The following ATP11C variants were observed in gnomAD, a reference collection of about 807,000 sequenced individuals.
The protein encoded by ATP11C is ATPase phospholipid transporting 11C (ATP11C blood group), also known as phospholipid-transporting ATPase IG.
Under a neutral mutation model 97.4 loss-of-function variants are expected in ATP11C, and 36 were observed. The ratio of observed to expected loss-of-function variants is 0.37; its 90% confidence interval spans 0.28 to 0.49. ATP11C has a LOEUF of 0.49. Among genes scored for constraint, ATP11C ranks in the 20% least tolerant of loss-of-function variants. The pLI, the probability that ATP11C is intolerant of heterozygous loss-of-function variation, is 0.98. For synonymous variants in ATP11C, 275 were observed against 290.9 expected, an observed-to-expected ratio of 0.95 and a Z score of 0.56; for missense variants, 730 against 824.6, an observed-to-expected ratio of 0.89 and a Z score of 1.40.
chrX:139,895,274 T>C (rs1409067880), intron 1 of ATP11C, among the ~76,000 whole-genome samples: 1 of 111,769 alleles, frequency 8.9e-6, no homozygotes, highest in Admixed American at 9.5e-5. Flanking sequence ...AGAATAAGTT[T>C]TTTTTTTATT....
chrX:139,739,737 A>C (rs2081517329), intron 27 of ATP11C, among the ~76,000 whole-genome samples: 2 of 111,805 alleles, frequency 1.8e-5, no homozygotes, highest in Admixed American at 1.9e-4. Flanking sequence ...TTATTTTTGT[A>C]GAAATTTTGC....
At chrX:139,914,406 T>C (rs747284431) in intron 1 of ATP11C, among the ~76,000 whole-genome samples, 1 of 112,525 alleles carries the variant, frequency 8.9e-6, no homozygotes, top group South Asian at 3.7e-4. Context: ...ATTCCTGGCC[T>C]ATAGACACTT....
chrX:139,932,135 G>A lies in ATP11C; in HGVS notation c.-93C>T, dbSNP rs374083313. The A allele has an allele frequency of 1.1e-4, 98 of 891,654 alleles. No homozygotes were observed. The East Asian group carries it at 3.0e-3, about 27-fold the overall frequency. The allele number at this position is 891,654 out of a possible 1,213,427, so 73.5% of individuals were successfully genotyped here. On this transcript the variant is annotated 5_prime_UTR_variant, in exon 1 of 30. Transcript: ENST00000682941. ...ACACACTGCGGCGTGGGCCGGCGGCGCCAAGCGGAGCAGCGAGGCGGGCGG... is the reference window on the plus strand; with the variant it reads ...ACACACTGCGGCGTGGGCCGGCGGCACCAAGCGGAGCAGCGAGGCGGGCGG...
chrX:139,755,381 A>C (rs921432906), intron 23 of ATP11C, among the ~76,000 whole-genome samples: 2 of 112,405 alleles, frequency 1.8e-5, no homozygotes, highest in Non-Finnish European at 3.8e-5. Context: ...GATAGGAAGA[A>C]TCAATATTGT....
At chrX:139,884,685 T>C (rs1283476289) in intron 1 of ATP11C, among the ~76,000 whole-genome samples, 1 of 112,190 alleles carries the variant, frequency 8.9e-6, no homozygotes, top group Non-Finnish European at 1.9e-5. Flanking sequence ...TTGTGTTATT[T>C]TGACTTGAGA....
intron 1 of ATP11C, among the ~76,000 whole-genome samples, chrX:139,829,744 A>G (rs1279630785): frequency 8.9e-6 from 1 of 111,773 alleles, no homozygotes; most frequent in Non-Finnish European, 1.9e-5. Context: ...AAATATGTTT[A>G]CAATATATGA....
At chrX:139,741,974 T>G (rs777747567) in intron 26 of ATP11C, among the ~76,000 whole-genome samples, 1 of 111,669 alleles carries the variant, frequency 9.0e-6, no homozygotes, top group African/African-American at 3.3e-5. Context: ...ATAACATTAT[T>G]AATGTAGCTC....
chrX:139,897,377 G>A (rs72617908), intron 1 of ATP11C, among the ~76,000 whole-genome samples: 2,867 of 110,532 alleles, frequency 0.026, 102 homozygotes, highest in East Asian at 0.16. Flanking sequence ...TATACTAAAG[G>A]TCAACTTCAG....
chrX:139,749,890 G>A, intron 24 of ATP11C, 135 bp downstream of exon 24: 1 of 625,721 alleles, frequency 1.6e-6, no homozygotes, highest in South Asian at 4.8e-5. Flanking sequence ...GCTTTCAATA[G>A]CTAAAAATTC....
chrX:139,876,422 T>C (rs2084474447), intron 1 of ATP11C, among the ~76,000 whole-genome samples: 1 of 111,798 alleles, frequency 8.9e-6, no homozygotes, highest in Non-Finnish European at 1.9e-5. Context: ...GAAATCCCAA[T>C]ACAACAATTT....
At position 139,774,823 on chromosome X, in the gene ATP11C, T is replaced by C. The variant is rs1200248794; in HGVS notation, c.2083A>G (p.Thr695Ala). Residue 695 changes from threonine to alanine, a missense_variant, in exon 19 of 30, where the codon ACT becomes GCT. Transcript: ENST00000682941. Reference sequence around the variant, plus strand: ...TTTGTGGTTAGTTCTAAGAGCTCAGTGTTGGTCTGGAAAAGGCGGCAGGCA... The same window carrying C: ...TTTGTGGTTAGTTCTAAGAGCTCAGCGTTGGTCTGGAAAAGGCGGCAGGCA... ...CYACRLFQTN[T>A]ELLELTTKTI... is the part of the protein sequence containing the mutation. 2.5e-6 allele frequency: 3 copies of C among 1,211,856 alleles called. No homozygotes were observed. The highest frequency in any genetic ancestry group is 5.9e-5 in the East Asian group (2 of 33,854).
At chrX:139,794,449 C>T (rs943912375) in intron 12 of ATP11C, among the ~76,000 whole-genome samples, 8 of 112,312 alleles carry the variant, frequency 7.1e-5, no homozygotes, top group African/African-American at 2.6e-4. Context: ...CGTTTCTATA[C>T]ATGCAAACTG....
intron 18 of ATP11C, among the ~76,000 whole-genome samples, chrX:139,780,590 C>T (rs765600267): frequency 1.0e-3 from 112 of 110,325 alleles, no homozygotes; most frequent in African/African-American, 3.6e-3. Flanking sequence ...TGCAAACCCA[C>T]AGCCAACACC....
At chrX:139,775,058 G>C in intron 18 of ATP11C, 105 bp from the exon 19 acceptor site, 1 of 813,263 alleles carries the variant, frequency 1.2e-6, no homozygotes, top group East Asian at 3.5e-5. Flanking sequence ...CAATTCTAGA[G>C]TCCTGACACC....
intron 18 of ATP11C, 132 bp from the exon 19 acceptor site, chrX:139,775,085 T>G (rs1173540881): frequency 6.5e-6 from 4 of 611,807 alleles, no homozygotes; most frequent in Non-Finnish European, 9.4e-6. Flanking sequence ...CGGTTGACTT[T>G]CATATACATC....
intron 1 of ATP11C, among the ~76,000 whole-genome samples, chrX:139,830,183 A>G (rs1024756696): frequency 2.7e-5 from 3 of 111,901 alleles, no homozygotes; most frequent in Non-Finnish European, 5.6e-5. Flanking sequence ...CTGGTCACAC[A>G]GTGGATTTAA....
rs757991651 is a variant in ATP11C, at chrX:139,856,952, C to T, written c.28-30129G>A. Among the ~76,000 whole-genome samples, 9 of 111,928 alleles carry T rather than the reference C, an allele frequency of 8.0e-5. No individual in the cohort carries two copies. In the South Asian group the frequency reaches 3.4e-3, roughly 42 times the overall value. ...TGCACTTCATCCCAAACACCACCAC[C>T]CCTAATGGAAGTATAACAAAGGCAT... On this transcript the variant is annotated intron_variant, in intron 1 of 29. Transcript: ENST00000682941.
chrX:139,907,287 T>G (rs1382179854), intron 1 of ATP11C, among the ~76,000 whole-genome samples: 1 of 111,670 alleles, frequency 9.0e-6, no homozygotes, highest in Non-Finnish European at 1.9e-5. Context: ...TGACTAAGAT[T>G]TCTCCAATGG....
At chrX:139,874,340 G>A (rs893707532) in intron 1 of ATP11C, among the ~76,000 whole-genome samples, 6 of 108,562 alleles carry the variant, frequency 5.5e-5, no homozygotes, top group South Asian at 8.2e-4. Context: ...GATTACAGGC[G>A]TGAGCCACCG....
Sources: gnomAD v4.1 joint callset for allele counts (sites outside exome capture counted in the v4.1 genomes callset) on GRCh38, gnomAD v4.1.1 for gene constraint, MANE v1.5 for transcripts, NCBI Gene and HGNC (gene_info 2026-07-23, HGNC 2026-07-21) for gene names.